CPVL: variants seen among roughly 807,000 people sequenced by gnomAD.
CPVL encodes carboxypeptidase vitellogenic like.
In CPVL, 51 loss-of-function variants were observed where a neutral mutation model predicts 63.7. The observed-to-expected ratio is 0.80, with a 90% confidence interval of 0.64 to 1.01. The LOEUF (loss-of-function observed/expected upper bound fraction) is 1.01. CPVL is among the 50% of genes least tolerant of loss of function. CPVL has a pLI of 0.00. For synonymous variants in CPVL, 195 were observed against 206.0 expected (o/e 0.95, Z 0.46); for missense variants, 530 against 573.1 (o/e 0.92, Z 0.77).
chr7:29,174,600 G>A (rs1362886227), intron 5 of CPVL, among the ~76,000 whole-genome samples: 1 of 152,156 alleles, frequency 6.6e-6, no homozygotes, highest in African/African-American at 2.4e-5. Flanking sequence ...AGTGACTCAC[G>A]CCTGTAATCC....
intron 6 of CPVL, among the ~76,000 whole-genome samples, chr7:29,089,755 G>A (rs756703249): frequency 9.2e-5 from 14 of 152,156 alleles, no homozygotes; most frequent in Non-Finnish European, 2.1e-4. Flanking sequence ...ATTGCCCTAA[G>A]CTGCTACTCG....
chr7:29,193,381 C>T (rs1432327863), intron 1 of CPVL: 1 of 152,146 alleles, frequency 6.6e-6, no homozygotes, highest in Non-Finnish European at 1.5e-5. Context: ...GGCCTAGCTG[C>T]TGTTCTGTGT....
intron 12 of CPVL, among the ~76,000 whole-genome samples, chr7:28,996,590 TGAAA>T (rs1784095819): frequency 6.8e-6 from 1 of 147,368 alleles, no homozygotes; most frequent in Admixed American, 6.8e-5. Context: ...ACACTTGAAA[TGAAA>T]GAAAGTCATG....
intron 11 of CPVL, among the ~76,000 whole-genome samples, chr7:29,043,994 C>CATG (rs369477733): frequency 3.2e-4 from 48 of 152,040 alleles, no homozygotes; most frequent in Middle Eastern, 3.4e-3. Context: ...AGACTCAAAT[C>CATG]ATGATGATGA....
intron 3 of CPVL, among the ~76,000 whole-genome samples, chr7:29,100,384 T>A (rs1786994470): frequency 6.6e-6 from 1 of 152,214 alleles, no homozygotes; most frequent in Non-Finnish European, 1.5e-5. Flanking sequence ...GGAGGCCTCA[T>A]CAGTCTTTCT....
intron 5 of CPVL, among the ~76,000 whole-genome samples, chr7:29,175,513 T>A (rs1249070067): frequency 3.3e-5 from 5 of 152,118 alleles, no homozygotes; most frequent in Admixed American, 3.3e-4. Context: ...CCCCTTTCAC[T>A]TGGCTCTCAT....
intron 11 of CPVL, among the ~76,000 whole-genome samples, chr7:29,054,333 T>G (rs1326366874): frequency 1.3e-5 from 2 of 152,218 alleles, no homozygotes; most frequent in Non-Finnish European, 2.9e-5. Flanking sequence ...AATCTGTTGA[T>G]TCTAAATGCA....
chr7:29,162,529 C>T (rs536783970), intron 5 of CPVL, among the ~76,000 whole-genome samples: 31 of 152,076 alleles, frequency 2.0e-4, no homozygotes, highest in Admixed American at 3.3e-4. Flanking sequence ...GGCATGGTGG[C>T]GCATGCCTGT....
intron 1 of CPVL, among the ~76,000 whole-genome samples, chr7:29,135,689 TTTTA>T (rs1250552507): frequency 3.9e-5 from 6 of 151,942 alleles, no homozygotes; most frequent in East Asian, 1.9e-4. Flanking sequence ...ATTTATTTAT[TTTTA>T]TTTATTTATT....
At chr7:29,088,699 A>T (rs1476009242) in intron 6 of CPVL, among the ~76,000 whole-genome samples, 1 of 152,206 alleles carries the variant, frequency 6.6e-6, no homozygotes, top group Non-Finnish European at 1.5e-5. Flanking sequence ...CATATATATA[A>T]TACATAAGTG....
intron 7 of CPVL, among the ~76,000 whole-genome samples, chr7:29,080,112 T>C (rs1018448855): frequency 1.5e-4 from 23 of 151,722 alleles, no homozygotes; most frequent in Admixed American, 1.3e-3. Flanking sequence ...AGAAGGGCAA[T>C]GAAAGGGAGG....
intron 12 of CPVL, among the ~76,000 whole-genome samples, chr7:29,001,764 G>A (rs994479596): frequency 6.6e-6 from 1 of 152,122 alleles, no homozygotes; most frequent in South Asian, 2.1e-4. Context: ...CATCATAATG[G>A]TACATATTCT....
chr7:29,120,522 T>C (rs1381393148), intron 2 of CPVL, among the ~76,000 whole-genome samples: 2 of 152,124 alleles, frequency 1.3e-5, no homozygotes, highest in African/African-American at 2.4e-5. Context: ...TATGGGTTAC[T>C]TGTTTTAAGA....
chr7:29,185,545 T>A lies in CPVL; in HGVS notation c.-294A>T, dbSNP rs533907599. ...AGTCAAGCTCTTCAACAATATAATC[T>A]GTTCTCTGAATCTCATTTCTCTTAT... On this transcript the variant is annotated 5_prime_UTR_variant, in exon 3 of 17. Transcript: ENST00000409850. The A allele has an allele frequency of 3.9e-5, 6 of 152,218 alleles. No individual in the cohort carries two copies. The East Asian group carries it at 1.2e-3, about 29-fold the overall frequency. 9.4% of individuals were successfully genotyped at this position (152,218 alleles called of 1,614,324 possible).
Position 29,162,144 on chromosome 7 carries a change from T to C in CPVL, c.-11+19146A>G, listed in dbSNP as rs117678869. 2.6e-5 allele frequency among the ~76,000 whole-genome samples: 4 copies of C among 152,330 alleles called. No individual in the cohort carries two copies. In the East Asian group the frequency reaches 7.7e-4, roughly 29 times the overall value. ...TAAAAAGTTAAACACACATTTACTATACAACTGAACAACAGTACCTCTGGG... is the reference window on the plus strand; with the variant it reads ...TAAAAAGTTAAACACACATTTACTACACAACTGAACAACAGTACCTCTGGG... On this transcript the variant is annotated intron_variant, in intron 5 of 16. Transcript: ENST00000409850.
At chr7:29,001,665 C>T (rs1784648910) in intron 12 of CPVL, among the ~76,000 whole-genome samples, 1 of 152,176 alleles carries the variant, frequency 6.6e-6, no homozygotes. Context: ...TTCTTGAGGT[C>T]TCCCACTGTA....
intron 2 of CPVL, among the ~76,000 whole-genome samples, chr7:29,117,856 G>A (rs1328908582): frequency 6.6e-6 from 1 of 152,098 alleles, no homozygotes; most frequent in African/African-American, 2.4e-5. Context: ...ATTATGTATA[G>A]GTACTATGCT....
intron 9 of CPVL, among the ~76,000 whole-genome samples, chr7:29,069,699 A>G (rs1783526149): frequency 6.6e-6 from 1 of 151,374 alleles, no homozygotes; most frequent in Admixed American, 6.6e-5. Flanking sequence ...GCCTGCCACA[A>G]TCTATTTGTG....
intron 5 of CPVL, among the ~76,000 whole-genome samples, chr7:29,163,430 A>G (rs779135191): frequency 2.0e-5 from 3 of 152,126 alleles, no homozygotes; most frequent in Non-Finnish European, 4.4e-5. Context: ...TACATATGTG[A>G]TTCATATTAT....
Sources: allele counts gnomAD v4.1 joint callset (sites outside exome capture counted in the v4.1 genomes callset), GRCh38; gene constraint gnomAD v4.1.1; transcripts MANE v1.5; gene names NCBI Gene and HGNC (gene_info 2026-07-23, HGNC 2026-07-21).